MDGA2: variants seen among roughly 807,000 people sequenced by gnomAD.
The protein encoded by MDGA2 is MAM domain containing glycosylphosphatidylinositol anchor 2.
In MDGA2, 40 loss-of-function variants were observed where a neutral mutation model predicts 117.8. The ratio of observed to expected loss-of-function variants is 0.34; its 90% CI spans 0.26 to 0.44. MDGA2 has a LOEUF of 0.44. Among genes scored for constraint, MDGA2 ranks in the 20% least tolerant of loss-of-function variants. MDGA2 has a pLI of 1.00. For synonymous variants in MDGA2, 452 were observed against 439.0 expected, an observed-to-expected ratio of 1.03 and a Z score of -0.37; for missense variants, 1,123 against 1,250.6, an observed-to-expected ratio of 0.90 and a Z score of 1.54.
chr14:47,388,610 T>A (rs1891813620), intron 1 of MDGA2, among the ~76,000 whole-genome samples: 1 of 152,158 alleles, frequency 6.6e-6, no homozygotes, highest in Non-Finnish European at 1.5e-5. Flanking sequence ...TTTCTCAGGA[T>A]ATTGAAATCA....
chr14:47,536,526 T>C (rs574325654), intron 1 of MDGA2, among the ~76,000 whole-genome samples: 2 of 152,366 alleles, frequency 1.3e-5, no homozygotes, highest in Non-Finnish European at 2.9e-5. Context: ...AAGTCCTCTA[T>C]TGACTTGTTA....
intron 1 of MDGA2, among the ~76,000 whole-genome samples, chr14:47,306,552 G>A (rs943760256): frequency 1.2e-4 from 19 of 152,156 alleles, no homozygotes; most frequent in African/African-American, 4.1e-4. Flanking sequence ...TCAAGTAAGA[G>A]CCTGGTTTTT....
intron 1 of MDGA2, among the ~76,000 whole-genome samples, chr14:47,324,955 G>A (rs1266671478): frequency 6.6e-6 from 1 of 151,952 alleles, no homozygotes; most frequent in East Asian, 1.9e-4. Flanking sequence ...ATTGATCAAG[G>A]GAAAATAGGC....
intron 1 of MDGA2, among the ~76,000 whole-genome samples, chr14:47,654,901 G>A (rs1291177615): frequency 6.6e-6 from 1 of 152,082 alleles, no homozygotes; most frequent in Non-Finnish European, 1.5e-5. Flanking sequence ...AGATGGGAAG[G>A]AATATAATGT....
At chr14:47,055,698 A>G (rs1057490540) in intron 7 of MDGA2, among the ~76,000 whole-genome samples, 3 of 152,148 alleles carry the variant, frequency 2.0e-5, no homozygotes, top group African/African-American at 7.2e-5. Context: ...AGGTCAATGC[A>G]TTACAGCCTG....
At chr14:47,082,966 A>G (rs1890762585) in intron 6 of MDGA2, among the ~76,000 whole-genome samples, 1 of 152,076 alleles carries the variant, frequency 6.6e-6, no homozygotes, top group Non-Finnish European at 1.5e-5. Flanking sequence ...CTAGTAGATT[A>G]GAAACAACAG....
chr14:46,950,169 G>T (rs1046116878), intron 9 of MDGA2, among the ~76,000 whole-genome samples: 3 of 151,868 alleles, frequency 2.0e-5, no homozygotes, highest in African/African-American at 7.3e-5. Context: ...TTAGTAATAA[G>T]TGATAGCATT....
chr14:47,492,027 T>C (rs901967634), intron 1 of MDGA2, among the ~76,000 whole-genome samples: 4 of 152,154 alleles, frequency 2.6e-5, no homozygotes, highest in Non-Finnish European at 5.9e-5. Flanking sequence ...TATATTTGTC[T>C]ACAGAGCTTC....
intron 6 of MDGA2, among the ~76,000 whole-genome samples, chr14:47,084,139 T>C (rs1319243848): frequency 2.6e-5 from 4 of 152,126 alleles, no homozygotes; most frequent in African/African-American, 9.7e-5. Context: ...CCATGGAACA[T>C]AGGATAGACC....
At chr14:47,310,990 T>C (rs912760181) in intron 1 of MDGA2, among the ~76,000 whole-genome samples, 1 of 152,122 alleles carries the variant, frequency 6.6e-6, no homozygotes, top group African/African-American at 2.4e-5. Context: ...TCAGAAGCCA[T>C]ATATCATGTG....
At chr14:47,303,875 T>A (rs1889360169) in intron 1 of MDGA2, among the ~76,000 whole-genome samples, 1 of 152,164 alleles carries the variant, frequency 6.6e-6, no homozygotes, top group Admixed American at 6.5e-5. Flanking sequence ...TTTTAAGGTA[T>A]ATCTTTCAAA....
intron 3 of MDGA2, among the ~76,000 whole-genome samples, chr14:47,145,192 G>T (rs923261442): frequency 1.3e-5 from 2 of 152,012 alleles, no homozygotes; most frequent in African/African-American, 4.8e-5. Context: ...CATTTTGCAT[G>T]TATCCTAAAG....
intron 8 of MDGA2, among the ~76,000 whole-genome samples, chr14:47,029,738 T>C (rs1308082637): frequency 6.6e-6 from 1 of 152,218 alleles, no homozygotes. Context: ...CATATAATTT[T>C]ATAAGTGTAA....
At chr14:47,159,540 CCT>C (rs112957823) in intron 3 of MDGA2, among the ~76,000 whole-genome samples, 154 of 152,206 alleles carry the variant, frequency 1.0e-3, no homozygotes, top group African/African-American at 3.5e-3. Flanking sequence ...TCGAATTTTG[CCT>C]GATTGCTTTC....
chr14:47,613,133 A>G (rs1896883168), intron 1 of MDGA2, among the ~76,000 whole-genome samples: 1 of 152,168 alleles, frequency 6.6e-6, no homozygotes, highest in Non-Finnish European at 1.5e-5. Flanking sequence ...ACTCTGAAGT[A>G]ACTACCATTA....
chr14:47,070,365 G>A (rs1305759327), intron 6 of MDGA2, among the ~76,000 whole-genome samples: 3 of 152,122 alleles, frequency 2.0e-5, no homozygotes, highest in East Asian at 3.9e-4. Context: ...CTGCTCCATC[G>A]AGTTGTAAAT....
chr14:46,960,049 C>G (rs980372480), intron 8 of MDGA2, among the ~76,000 whole-genome samples: 6 of 151,846 alleles, frequency 4.0e-5, no homozygotes, highest in African/African-American at 1.2e-4. Context: ...TAGTGAAACC[C>G]CGTCTCTACC....
intron 4 of MDGA2, among the ~76,000 whole-genome samples, chr14:47,139,306 G>A (rs1054299564): frequency 2.0e-5 from 3 of 151,902 alleles, no homozygotes; most frequent in Admixed American, 1.3e-4. Flanking sequence ...ATACTCTTTG[G>A]AGACATTGTC....
At chr14:47,381,014 G>A (rs148249934) in intron 1 of MDGA2, among the ~76,000 whole-genome samples, 4 of 152,050 alleles carry the variant, frequency 2.6e-5, no homozygotes, top group Non-Finnish European at 5.9e-5. Flanking sequence ...TATCCACTAC[G>A]ATCAAGTTGG....
Sources: gnomAD v4.1 joint callset for allele counts (sites outside exome capture counted in the v4.1 genomes callset) on GRCh38, gnomAD v4.1.1 for gene constraint, MANE v1.5 for transcripts, NCBI Gene and HGNC (gene_info 2026-07-23, HGNC 2026-07-21) for gene names.